KMT2C: variants seen among roughly 807,000 people sequenced by gnomAD.
The protein encoded by KMT2C is lysine methyltransferase 2C, also known as histone-lysine N-methyltransferase 2C.
KMT2C carries 88 observed loss-of-function variants against 507.9 expected under a neutral mutation model. That is an observed-to-expected ratio of 0.17 (90% CI 0.15 to 0.21). The LOEUF (loss-of-function observed/expected upper bound fraction) is 0.21, where lower values mean the gene tolerates loss of function less well. Among genes scored for constraint, KMT2C ranks in the 10% least tolerant of loss-of-function variants. The pLI, the probability that KMT2C is intolerant of heterozygous loss-of-function variation, is 1.00. For synonymous variants in KMT2C, 2,049 were observed against 2,080.8 expected, an observed-to-expected ratio of 0.98 and a Z score of 0.42; for missense variants, 4,954 against 5,957.8, an observed-to-expected ratio of 0.83 and a Z score of 5.55.
chr7:152,349,626 T>C (rs2097093937), intron 2 of KMT2C, among the ~76,000 whole-genome samples: 2 of 151,948 alleles, frequency 1.3e-5, no homozygotes, highest in African/African-American at 4.8e-5. Context: ...TGCCATAGGT[T>C]AGCAAGGAGG....
chr7:152,192,562 A>G (rs1354320743), intron 31 of KMT2C, among the ~76,000 whole-genome samples: 1 of 152,008 alleles, frequency 6.6e-6, no homozygotes, highest in Non-Finnish European at 1.5e-5. Context: ...AAAAAAAAAA[A>G]GCACATAGGA....
chr7:152,163,074 G>T lies in KMT2C; in HGVS notation c.10503C>A (p.Phe3501Leu), dbSNP rs746562454. The T allele has an allele frequency of 1.2e-6, 2 of 1,614,252 alleles. No individual in the cohort carries two copies. The highest frequency in any genetic ancestry group is 1.7e-6 in the Non-Finnish European group (2 of 1,180,038). Reference protein sequence around the residue: ...GSINSPSTQTFMQTNERRQVG... With the variant: ...GSINSPSTQTLMQTNERRQVG... ...CCTGCCTTCGCTCATTAGTCTGCAT[G>T]AAAGTTTGGGTGGAGGGTGAATTAA... Residue 3501 changes from phenylalanine to leucine, a missense_variant, in exon 43 of 59, where the codon TTC becomes TTA. This residue lies in a region of KMT2C where 801 missense variants were observed against 751.2 expected (regional missense o/e 1.07). Coordinates refer to ENST00000262189, the MANE Select transcript of KMT2C (RefSeq NM_170606.3).
intron 2 of KMT2C, among the ~76,000 whole-genome samples, chr7:152,338,757 C>A (rs1380036289): frequency 6.6e-6 from 1 of 152,156 alleles, no homozygotes; most frequent in Non-Finnish European, 1.5e-5. Context: ...TTCACTACTT[C>A]CACCGCCTGG....
intron 6 of KMT2C, among the ~76,000 whole-genome samples, chr7:152,295,103 A>C (rs2096477633): frequency 6.6e-6 from 1 of 152,230 alleles, no homozygotes; most frequent in Admixed American, 6.5e-5. Context: ...TAATTTATAA[A>C]GAATCAAATA....
chr7:152,281,969 T>A (rs1229453007), intron 6 of KMT2C, among the ~76,000 whole-genome samples: 2 of 152,062 alleles, frequency 1.3e-5, no homozygotes, highest in East Asian at 3.9e-4. Context: ...TTGTCTTGTT[T>A]ACGTAATGGT....
chr7:152,251,036 T>A, intron 11 of KMT2C, 70 bp from the exon 12 acceptor site: 1 of 840,514 alleles, frequency 1.2e-6, no homozygotes, highest in Admixed American at 2.1e-5. Flanking sequence ...TCAACAATTA[T>A]GATTTTGTAT....
chr7:152,146,211 A>T (rs374861036), intron 53 of KMT2C, among the ~76,000 whole-genome samples: 2 of 152,216 alleles, frequency 1.3e-5, no homozygotes, highest in African/African-American at 2.4e-5. Context: ...GGAAGAGGGC[A>T]GGAGAGTGGC....
chr7:152,345,763 C>T (rs1007108777), intron 2 of KMT2C, among the ~76,000 whole-genome samples: 5 of 152,144 alleles, frequency 3.3e-5, no homozygotes, highest in Non-Finnish European at 7.3e-5. Flanking sequence ...TCAGGCGATC[C>T]ACCTGCCTCA....
At chr7:152,248,704 C>T in intron 13 of KMT2C, 84 bp from the exon 14 acceptor site, 1 of 754,592 alleles carries the variant, frequency 1.3e-6, no homozygotes, top group South Asian at 1.9e-5. Flanking sequence ...CATTTGGCTA[C>T]ACTAGAACTT....
chr7:152,217,373 T>C (rs912976876), intron 23 of KMT2C, among the ~76,000 whole-genome samples: 1 of 152,194 alleles, frequency 6.6e-6, no homozygotes, highest in African/African-American at 2.4e-5. Flanking sequence ...GTGGCAATAC[T>C]GAATTTTTAA....
At chr7:152,418,245 C>T (rs1007199727) in intron 1 of KMT2C, among the ~76,000 whole-genome samples, 8 of 152,024 alleles carry the variant, frequency 5.3e-5, no homozygotes, top group African/African-American at 1.9e-4. Flanking sequence ...CGGCCAAATG[C>T]TTATTTTTTA....
chr7:152,358,516 A>G, intron 2 of KMT2C, 71 bp downstream of exon 2: 2 of 926,230 alleles, frequency 2.2e-6, no homozygotes, highest in South Asian at 3.0e-5. Flanking sequence ...TGTTATACAA[A>G]TGCTACATGC....
chr7:152,296,167 G>A (rs565243074), intron 6 of KMT2C, among the ~76,000 whole-genome samples: 4 of 151,378 alleles, frequency 2.6e-5, no homozygotes, highest in African/African-American at 7.3e-5. Context: ...GGTGGCTCAC[G>A]CTTATAATCC....
chr7:152,293,469 C>T (rs972249128), intron 6 of KMT2C, among the ~76,000 whole-genome samples: 5 of 152,196 alleles, frequency 3.3e-5, no homozygotes, highest in South Asian at 4.1e-4. Context: ...TATAAAATCA[C>T]TTTGTATACA....
At position 152,181,249 on chromosome 7, in the gene KMT2C, G is replaced by A. The variant is rs2129119786; in HGVS notation, c.6611C>T (p.Ala2204Val). Residue 2204 changes from alanine to valine, a missense_variant, in exon 36 of 59, where the codon GCT (alanine) becomes GTT (valine). Coordinates refer to ENST00000262189, the MANE Select transcript of KMT2C (RefSeq NM_170606.3). ...AGGTCTTGGTGTTCCAGGAGGATGA[G>A]CATATGGATCAGAATGCCTCTGATT... ...VTNQRHSDPY[A>V]HPPGTPRPGI... 6.2e-7 allele frequency: 1 copy of A among 1,614,110 alleles called. No homozygotes were observed. Among genetic ancestry groups the A allele is most frequent in the Non-Finnish European group, 8.5e-7 (1 of 1,180,030 alleles).
chr7:152,184,124 T>TAA lies in KMT2C; in HGVS notation c.5083-970_5083-969dup, dbSNP rs137962743. Among the ~76,000 whole-genome samples, 94 of 136,776 alleles carry TAA rather than the reference T, an allele frequency of 6.9e-4. 1 individual carries two copies. Among genetic ancestry groups the TAA allele is most frequent in the Admixed American group, 3.2e-3 (44 of 13,866 alleles). The allele number at this position is 136,776 out of a possible 152,430, so 89.7% of individuals were successfully genotyped here. ...AAAAGGAAAAATATCCAATCAGTCT[T>TAA]AAAAAAAAAAAAATCTGGATATTTG... On this transcript the variant is annotated intron_variant, in intron 34 of 58. Coordinates refer to ENST00000262189, the MANE Select transcript of KMT2C (RefSeq NM_170606.3).
intron 1 of KMT2C, among the ~76,000 whole-genome samples, chr7:152,370,450 A>T (rs1309038988): frequency 6.6e-6 from 1 of 152,218 alleles, no homozygotes; most frequent in Non-Finnish European, 1.5e-5. Context: ...AGATGATGTA[A>T]CACCAACTCT....
intron 43 of KMT2C, among the ~76,000 whole-genome samples, chr7:152,160,148 A>C (rs555173976): frequency 3.1e-4 from 47 of 152,332 alleles, no homozygotes; most frequent in Non-Finnish European, 7.3e-5. Flanking sequence ...GTGTCACAAA[A>C]TACTACTCTT....
intron 55 of KMT2C, among the ~76,000 whole-genome samples, chr7:152,141,484 C>T (rs1035510598): frequency 2.1e-5 from 3 of 144,786 alleles, no homozygotes; most frequent in South Asian, 2.2e-4. Flanking sequence ...CAGAGGTGGG[C>T]GGGTCACAAG....
Sources: gnomAD v4.1 joint callset for allele counts (sites outside exome capture counted in the v4.1 genomes callset) on GRCh38, gnomAD v4.1.1 for gene constraint, gnomAD v4.1.1 regional missense constraint, MANE v1.5 for transcripts, NCBI Gene and HGNC (gene_info 2026-07-23, HGNC 2026-07-21) for gene names.